The following KAZN variants were observed in gnomAD, a reference collection of about 807,000 sequenced individuals.
The protein encoded by KAZN is kazrin.
KAZN carries 40 observed loss-of-function variants against 87.4 expected under a neutral mutation model. The observed-to-expected ratio is 0.46, with a 90% CI of 0.36 to 0.60. The LOEUF is 0.60. Ranked by LOEUF, KAZN falls within the 20% of genes least tolerant of loss-of-function variation. KAZN has a pLI of 0.00. For missense variants in KAZN, 898 were observed against 1,073.9 expected (o/e 0.84, Z 2.29); for synonymous variants, 466 against 458.3 (o/e 1.02, Z -0.22).
intron 1 of KAZN, among the ~76,000 whole-genome samples, chr1:14,888,659 G>A (rs758143727): frequency 3.3e-5 from 5 of 152,200 alleles, no homozygotes; most frequent in Non-Finnish European, 7.4e-5. Flanking sequence ...CTGGAAATCC[G>A]TGTTGTGATA....
At chr1:14,800,647 CGAGCCAT>C (rs1028063521) in intron 1 of KAZN, among the ~76,000 whole-genome samples, 13 of 152,182 alleles carry the variant, frequency 8.5e-5, no homozygotes, top group African/African-American at 3.1e-4. Flanking sequence ...GAGGCTGCAG[CGAGCCAT>C]GATTGCAACA....
At chr1:15,112,739 C>T (rs999420998) in intron 14 of KAZN, 198 bp downstream of exon 14, 3 of 530,060 alleles carry the variant, frequency 5.7e-6, no homozygotes, top group Non-Finnish European at 3.4e-6. Context: ...TGCACAAAGC[C>T]CCCGCAGGGC....
chr1:14,954,915 G>A (rs1381492850), intron 1 of KAZN, among the ~76,000 whole-genome samples: 1 of 152,134 alleles, frequency 6.6e-6, no homozygotes, highest in Admixed American at 6.5e-5. Flanking sequence ...TCGCGCCACT[G>A]TACTCCAGCC....
chr1:14,947,962 C>G (rs1050405776), intron 1 of KAZN, among the ~76,000 whole-genome samples: 4 of 152,150 alleles, frequency 2.6e-5, no homozygotes, highest in African/African-American at 9.7e-5. Context: ...GTGTTTCAGT[C>G]CAGAAGGACT....
At chr1:14,444,630 CTA>C (rs1666877984) in intron 2 of KAZN, among the ~76,000 whole-genome samples, 1 of 152,146 alleles carries the variant, frequency 6.6e-6, no homozygotes, top group African/African-American at 2.4e-5. Flanking sequence ...TTTTTCTGCT[CTA>C]TTGGTGCTCG....
intron 2 of KAZN, among the ~76,000 whole-genome samples, chr1:14,540,371 T>A (rs1256418067): frequency 6.6e-6 from 1 of 152,170 alleles, no homozygotes; most frequent in Non-Finnish European, 1.5e-5. Context: ...CACCCTGTTT[T>A]GTGAAGGTGA....
At chr1:14,881,737 C>A (rs914343733) in intron 1 of KAZN, among the ~76,000 whole-genome samples, 1 of 152,192 alleles carries the variant, frequency 6.6e-6, no homozygotes, top group African/African-American at 2.4e-5. Flanking sequence ...AGCCAGAAGA[C>A]CTCATATGAA....
At chr1:14,794,230 T>C (rs1370598678) in intron 1 of KAZN, among the ~76,000 whole-genome samples, 1 of 152,128 alleles carries the variant, frequency 6.6e-6, no homozygotes, top group Non-Finnish European at 1.5e-5. Context: ...CAGTGGGGAT[T>C]GCTGACTCTC....
At chr1:14,094,243 G>C (rs1053630336) in intron 1 of KAZN, among the ~76,000 whole-genome samples, 5 of 151,972 alleles carry the variant, frequency 3.3e-5, no homozygotes, top group Admixed American at 3.3e-4. Context: ...GTTTTTTTGA[G>C]CCCTAATATC....
At chr1:14,213,523 C>T (rs983632658) in intron 2 of KAZN, among the ~76,000 whole-genome samples, 1 of 152,146 alleles carries the variant, frequency 6.6e-6, no homozygotes, top group African/African-American at 2.4e-5. Context: ...GGTTAGAATG[C>T]ACCTGCCATG....
intron 1 of KAZN, among the ~76,000 whole-genome samples, chr1:14,935,914 A>G (rs1660402022): frequency 6.6e-6 from 1 of 152,194 alleles, no homozygotes; most frequent in African/African-American, 2.4e-5. Context: ...TTCTCTCCCA[A>G]CATCCCAGGT....
chr1:14,885,843 C>G (rs1395376743), intron 1 of KAZN, among the ~76,000 whole-genome samples: 1 of 152,166 alleles, frequency 6.6e-6, no homozygotes. Flanking sequence ...TTGTAACACT[C>G]GTCACTACCT....
chr1:14,230,215 A>T (rs989251623), intron 2 of KAZN, among the ~76,000 whole-genome samples: 1 of 152,244 alleles, frequency 6.6e-6, no homozygotes, highest in East Asian at 1.9e-4. Context: ...ACACAACAAG[A>T]CAAAGGTGAA....
intron 2 of KAZN, among the ~76,000 whole-genome samples, chr1:15,020,833 T>C (rs886110688): frequency 7.2e-5 from 11 of 152,162 alleles, no homozygotes; most frequent in Non-Finnish European, 2.9e-5. Flanking sequence ...GCTGGCATGA[T>C]GTGACTTGCC....
intron 1 of KAZN, among the ~76,000 whole-genome samples, chr1:14,619,882 C>T (rs1032756494): frequency 1.3e-5 from 2 of 152,226 alleles, no homozygotes; most frequent in East Asian, 1.9e-4. Context: ...TTCCTCTTTA[C>T]GACCGTATAA....
chr1:14,100,587 G>A (rs865981373), intron 1 of KAZN, among the ~76,000 whole-genome samples: 5 of 152,246 alleles, frequency 3.3e-5, no homozygotes, highest in African/African-American at 1.2e-4. Flanking sequence ...TATGTGGGAA[G>A]TGCTGTCTAC....
In KAZN at chr1:15,081,999, G is replaced by C. The variant is rs137864489; in HGVS notation, c.1223-12181G>C. 2.1e-3 allele frequency among the ~76,000 whole-genome samples: 319 copies of C among 152,334 alleles called. 1 individual carries two copies. The highest frequency in any genetic ancestry group is 0.014 in the Middle Eastern group (4 of 294). On this transcript the variant is annotated intron_variant, in intron 8 of 14. Transcript: ENST00000376030. This position sits in a 1 kb window ranked among gnomAD's most constrained non-coding sequence, Gnocchi z 4.1. ...GAGGGAGGTAGGGTGTTGAGATACA[G>C]CTGGAGTGCTCCAGATAGGAGATGG...
intron 1 of KAZN, among the ~76,000 whole-genome samples, chr1:14,922,253 G>T (rs1468640829): frequency 4.6e-5 from 7 of 152,152 alleles, no homozygotes; most frequent in African/African-American, 1.7e-4. Context: ...TCCCAGGCAG[G>T]TCCCTGAAGG....
At chr1:14,929,770 T>G in intron 1 of KAZN, 1 of 985,458 alleles carries the variant, frequency 1.0e-6, no homozygotes, top group Non-Finnish European at 1.2e-6. Flanking sequence ...GTGCGTCTTA[T>G]GTTGCGGGTG....
Sources: gnomAD v4.1 joint callset for allele counts (sites outside exome capture counted in the v4.1 genomes callset) on GRCh38, gnomAD v4.1.1 for gene constraint, Gnocchi (gnomAD v3.1) non-coding constraint, MANE v1.5 for transcripts, NCBI Gene and HGNC (gene_info 2026-07-23, HGNC 2026-07-21) for gene names.